The following LRRC4C variants were observed in gnomAD, a reference collection of about 807,000 sequenced individuals.
The protein encoded by LRRC4C is leucine-rich repeat-containing protein 4C.
In LRRC4C, 5 loss-of-function variants were observed where a neutral mutation model predicts 33.6. That is an observed-to-expected ratio of 0.15 (90% confidence interval 0.08 to 0.31). LRRC4C has a LOEUF of 0.31. LRRC4C is among the 10% of genes least tolerant of loss of function. The pLI is 1.00. For synonymous variants in LRRC4C, 329 were observed against 302.0 expected (o/e 1.09, Z -0.93); for missense variants, 560 against 796.7 (o/e 0.70, Z 3.58).
At chr11:41,456,849 T>A (rs1012818298) in intron 1 of LRRC4C, among the ~76,000 whole-genome samples, 23 of 152,242 alleles carry the variant, frequency 1.5e-4, no homozygotes, top group African/African-American at 4.8e-4. Context: ...TCAAAAGCTG[T>A]TTATCATTGC....
At chr11:40,907,681 T>A (rs1036897378) in intron 2 of LRRC4C, among the ~76,000 whole-genome samples, 5 of 152,190 alleles carry the variant, frequency 3.3e-5, no homozygotes, top group Non-Finnish European at 7.4e-5. Context: ...TTGTTCCTTG[T>A]ATCCTGAGTT....
At chr11:40,195,205 G>T (rs1862166384) in intron 5 of LRRC4C, among the ~76,000 whole-genome samples, 2 of 152,194 alleles carry the variant, frequency 1.3e-5, no homozygotes, top group Admixed American at 1.3e-4. Context: ...CAGGAATTCA[G>T]TGAAGATTCC....
Position 40,563,100 on chromosome 11 carries a change from G to A in LRRC4C, c.-270+85042C>T, listed in dbSNP as rs558995920. On this transcript the variant is annotated intron_variant, in intron 3 of 6. Transcript: ENST00000528697. ...ATTCCATTTTTATCTCAGCTTCTTG[G>A]AGGACCCAAAAATGACACTCAAAGA... Among the ~76,000 whole-genome samples the A allele has an allele frequency of 2.3e-4, 35 of 152,016 alleles. No individual in the cohort carries two copies. The Middle Eastern group carries it at 0.01, about 44-fold the overall frequency.
chr11:41,103,591 T>G (rs1941326644), intron 1 of LRRC4C, among the ~76,000 whole-genome samples: 1 of 151,874 alleles, frequency 6.6e-6, no homozygotes, highest in Non-Finnish European at 1.5e-5. Context: ...GTTTATAGTC[T>G]GGGAAAGATG....
rs60736295 is a variant in LRRC4C at position 40,723,326 on chromosome 11, CA to C, written c.-406-75049del. On this transcript the variant is annotated intron_variant, in intron 2 of 6. Coordinates refer to ENST00000528697, the MANE Select transcript of LRRC4C (RefSeq NM_001258419.2). ...GTCATCCGACTTTCTAAGATTAATG[CA>C]AAAAAAAAAAATTCTAAAAGGCAGC... is the stretch of plus-strand genomic sequence containing the variant. Among the ~76,000 whole-genome samples, 277 of 141,046 alleles carry C rather than the reference CA, an allele frequency of 2.0e-3. 1 individual carries two copies. Among genetic ancestry groups the C allele is most frequent in the South Asian group, 6.5e-3 (29 of 4,442 alleles). The allele number at this position is 141,046 out of a possible 152,430, so 92.5% of individuals were successfully genotyped here.
At chr11:40,982,527 A>G (rs1384331293) in intron 1 of LRRC4C, among the ~76,000 whole-genome samples, 1 of 152,208 alleles carries the variant, frequency 6.6e-6, no homozygotes, top group Non-Finnish European at 1.5e-5. Flanking sequence ...CTGTAATACC[A>G]TGAAATGCAG....
chr11:40,648,337 G>T (rs1054690897), intron 2 of LRRC4C, 59 bp from the exon 3 acceptor site: 1 of 151,962 alleles, frequency 6.6e-6, no homozygotes, highest in Non-Finnish European at 1.5e-5. Context: ...ATAAATGCTG[G>T]TAGATTTTAA....
In LRRC4C at chr11:40,390,728, C is replaced by T. The variant is rs1949301203; in HGVS notation, c.-269-71007G>A. ...CTAGGGAAGGGTCAGGGACCTGACT[C>T]ATTTGACTCTTTGAGTTCATGATGG... On this transcript the variant is annotated intron_variant, in intron 3 of 6. Coordinates refer to ENST00000528697, the MANE Select transcript of LRRC4C (RefSeq NM_001258419.2). Among the ~76,000 whole-genome samples, 5 of 152,082 alleles carry T rather than the reference C, an allele frequency of 3.3e-5. No homozygotes were observed. In the South Asian group the frequency reaches 1.0e-3, roughly 32 times the overall value.
At chr11:41,174,980 T>G (rs1212691014) in intron 1 of LRRC4C, among the ~76,000 whole-genome samples, 3 of 152,178 alleles carry the variant, frequency 2.0e-5, no homozygotes, top group Non-Finnish European at 4.4e-5. Flanking sequence ...TTAAATTAAT[T>G]TAATTAATGC....
At chr11:41,007,463 T>A (rs1854839475) in intron 1 of LRRC4C, among the ~76,000 whole-genome samples, 1 of 152,076 alleles carries the variant, frequency 6.6e-6, no homozygotes, top group South Asian at 2.1e-4. Context: ...CTGGAGAGTA[T>A]TTGGCAATAT....
intron 1 of LRRC4C, among the ~76,000 whole-genome samples, chr11:40,973,213 T>G (rs1324077366): frequency 6.6e-6 from 1 of 152,108 alleles, no homozygotes; most frequent in Non-Finnish European, 1.5e-5. Context: ...TTTATTGCAG[T>G]GTGAGGATGA....
chr11:40,359,472 T>C (rs902438126), intron 3 of LRRC4C, among the ~76,000 whole-genome samples: 18 of 152,218 alleles, frequency 1.2e-4, no homozygotes, highest in African/African-American at 4.1e-4. Flanking sequence ...TTAATTTCAC[T>C]GCTCATCAAT....
chr11:40,667,287 A>T (rs557527876), intron 2 of LRRC4C, among the ~76,000 whole-genome samples: 7 of 152,252 alleles, frequency 4.6e-5, no homozygotes, highest in African/African-American at 1.7e-4. Context: ...TCTACATTTA[A>T]CTCTGAATGT....
chr11:41,233,836 C>T (rs1350859453), intron 1 of LRRC4C, among the ~76,000 whole-genome samples: 1 of 151,952 alleles, frequency 6.6e-6, no homozygotes, highest in Non-Finnish European at 1.5e-5. Flanking sequence ...CTAGACTTTG[C>T]TATTTTAACA....
chr11:40,850,843 G>C (rs2135739071), intron 2 of LRRC4C, among the ~76,000 whole-genome samples: 1 of 152,344 alleles, frequency 6.6e-6, no homozygotes, highest in South Asian at 2.1e-4. Context: ...GGAGGAATCT[G>C]GAGAGGCAGT....
At chr11:40,784,982 G>A (rs1397692987) in intron 2 of LRRC4C, among the ~76,000 whole-genome samples, 2 of 152,058 alleles carry the variant, frequency 1.3e-5, no homozygotes, top group Admixed American at 1.3e-4. Context: ...ACCGTCAGCC[G>A]ACAGAAAGAG....
intron 1 of LRRC4C, among the ~76,000 whole-genome samples, chr11:41,431,100 T>C (rs1449451829): frequency 2.0e-5 from 3 of 152,124 alleles, no homozygotes; most frequent in Non-Finnish European, 4.4e-5. Flanking sequence ...ATTTAATTAT[T>C]TATTCATATT....
At chr11:40,897,059 G>T (rs1373938932) in intron 2 of LRRC4C, among the ~76,000 whole-genome samples, 2 of 152,134 alleles carry the variant, frequency 1.3e-5, no homozygotes, top group Non-Finnish European at 2.9e-5. Flanking sequence ...AAATATGTAT[G>T]TTTATAACAA....
chr11:41,190,107 T>A (rs1023258171), intron 1 of LRRC4C, among the ~76,000 whole-genome samples: 1 of 152,214 alleles, frequency 6.6e-6, no homozygotes, highest in Non-Finnish European at 1.5e-5. Context: ...TTCATAACTT[T>A]CTGTGTGATA....
Sources: gnomAD v4.1 joint callset for allele counts (sites outside exome capture counted in the v4.1 genomes callset) on GRCh38, gnomAD v4.1.1 for gene constraint, MANE v1.5 for transcripts, NCBI Gene and HGNC (gene_info 2026-07-23, HGNC 2026-07-21) for gene names.